The following PRKAA1 variants were observed in gnomAD, a reference collection of about 807,000 sequenced individuals.
PRKAA1 encodes the protein 5'-AMP-activated protein kinase catalytic subunit alpha-1.
Under a neutral mutation model 56.9 loss-of-function variants are expected in PRKAA1, and 23 were observed. The ratio of observed to expected loss-of-function variants is 0.40; its 90% CI spans 0.29 to 0.57. The LOEUF is 0.57. PRKAA1 is among the 20% of genes least tolerant of loss of function. The pLI is 0.39. For synonymous variants in PRKAA1, 226 were observed against 227.0 expected, an observed-to-expected ratio of 1.00 and a Z score of 0.04; for missense variants, 413 against 679.7, an observed-to-expected ratio of 0.61 and a Z score of 4.36.
chr5:40,797,582 G>C (rs1744982659), intron 1 of PRKAA1, among the ~76,000 whole-genome samples: 1 of 152,154 alleles, frequency 6.6e-6, no homozygotes, highest in African/African-American at 2.4e-5. Flanking sequence ...GAAACAGCAG[G>C]GGCCGGTAAA....
intron 1 of PRKAA1, among the ~76,000 whole-genome samples, chr5:40,787,480 A>G (rs1332325579): frequency 6.6e-6 from 1 of 151,796 alleles, no homozygotes; most frequent in Non-Finnish European, 1.5e-5. Flanking sequence ...TAATAATAAT[A>G]ATAATAATAA....
chr5:40,792,480 A>G (rs1024018476), intron 1 of PRKAA1, among the ~76,000 whole-genome samples: 1 of 152,222 alleles, frequency 6.6e-6, no homozygotes, highest in African/African-American at 2.4e-5. Flanking sequence ...ATTTTAATAA[A>G]TGCTGTCACT....
At chr5:40,794,058 C>A (rs544215454) in intron 1 of PRKAA1, among the ~76,000 whole-genome samples, 72 of 151,590 alleles carry the variant, frequency 4.7e-4, no homozygotes, top group Admixed American at 9.9e-4. Context: ...GCTGAGATTG[C>A]GCCAATGCAC....
At chr5:40,766,951 C>G (rs1349323892) in intron 6 of PRKAA1, among the ~76,000 whole-genome samples, 2 of 152,142 alleles carry the variant, frequency 1.3e-5, no homozygotes, top group Middle Eastern at 3.2e-3. Context: ...CCAGGAGTTA[C>G]TGGCTACAGT....
At position 40,777,354 on chromosome 5, in the gene PRKAA1, TGTCA is replaced by T. The variant is rs1480619621; in HGVS notation, c.269+87_269+90del. ...AAAACCCTTAGGAAACAAAAAGAAG[TGTCA>T]GTCATTTTTCTCACTTGTCACATTA... On this transcript the variant is annotated intron_variant, in intron 2 of 8. Coordinates refer to ENST00000397128, the MANE Select transcript of PRKAA1 (RefSeq NM_006251.6). 15 of 1,374,698 alleles carry T rather than the reference TGTCA, an allele frequency of 1.1e-5. No homozygotes were observed. The Admixed American group carries it at 1.5e-4, about 14-fold the overall frequency. The allele number at this position is 1,374,698 out of a possible 1,614,324, so 85.2% of individuals were successfully genotyped here. A position where few individuals can be genotyped will look rare whatever the true frequency, so the allele number is the denominator to read the frequency against.
At chr5:40,764,398 TA>T (rs1743325704) in intron 8 of PRKAA1, 115 bp downstream of exon 8, 1 of 987,994 alleles carries the variant, frequency 1.0e-6, no homozygotes, top group Admixed American at 3.0e-5. Flanking sequence ...TCACATTTTT[TA>T]TTCCTTTGCA....
intron 1 of PRKAA1, among the ~76,000 whole-genome samples, chr5:40,782,870 CATA>C (rs1168441137): frequency 1.3e-5 from 2 of 152,058 alleles, no homozygotes; most frequent in African/African-American, 2.4e-5. Context: ...CAAAAGAAGG[CATA>C]ATAAGCAGAA....
intron 1 of PRKAA1, among the ~76,000 whole-genome samples, chr5:40,796,815 G>A (rs12109150): frequency 0.01 from 1,592 of 152,268 alleles, 22 homozygotes; most frequent in African/African-American, 0.033. Context: ...TTGAGTTACC[G>A]TACAGACTTT....
At chr5:40,777,626 A>T (rs1243888525) in intron 1 of PRKAA1, 40 bp from the exon 2 acceptor site, 2 of 1,531,060 alleles carry the variant, frequency 1.3e-6, no homozygotes, top group Non-Finnish European at 1.8e-6. Flanking sequence ...ACTAAGTATG[A>T]TTAATAATAT....
intron 8 of PRKAA1, among the ~76,000 whole-genome samples, chr5:40,763,880 C>T (rs530099713): frequency 5.5e-4 from 83 of 152,180 alleles, no homozygotes; most frequent in Non-Finnish European, 8.5e-4. Context: ...AAAATTCAAA[C>T]GTGAACCTCA....
At chr5:40,774,616 G>T (rs1743909936) in intron 3 of PRKAA1, among the ~76,000 whole-genome samples, 1 of 141,196 alleles carries the variant, frequency 7.1e-6, no homozygotes, top group Non-Finnish European at 1.5e-5. Context: ...AAATAGAAAT[G>T]AATCATGTTA....
chr5:40,778,068 C>G (rs1318512411), intron 1 of PRKAA1, among the ~76,000 whole-genome samples: 4 of 151,754 alleles, frequency 2.6e-5, no homozygotes, highest in Non-Finnish European at 5.9e-5. Flanking sequence ...GAGCAAAACT[C>G]TGTCTCAAAC....
intron 4 of PRKAA1, among the ~76,000 whole-genome samples, 182 bp downstream of exon 4, chr5:40,771,537 G>A (rs1717486021): frequency 6.6e-6 from 1 of 152,152 alleles, no homozygotes; most frequent in South Asian, 2.1e-4. Flanking sequence ...TTAAAGCTAA[G>A]AAAAGATGAT....
At chr5:40,766,872 A>G (rs1308013243) in intron 6 of PRKAA1, among the ~76,000 whole-genome samples, 1 of 152,040 alleles carries the variant, frequency 6.6e-6, no homozygotes, top group Non-Finnish European at 1.5e-5. Flanking sequence ...AACAAAAAAC[A>G]GCCAGGCATG....
chr5:40,795,787 C>T (rs1579767802), intron 1 of PRKAA1, among the ~76,000 whole-genome samples: 1 of 152,208 alleles, frequency 6.6e-6, no homozygotes, highest in African/African-American at 2.4e-5. Context: ...TTAACCATAT[C>T]TATGAAACCT....
chr5:40,763,441 G>A (rs973078153), intron 8 of PRKAA1, among the ~76,000 whole-genome samples: 1 of 152,162 alleles, frequency 6.6e-6, no homozygotes, highest in African/African-American at 2.4e-5. Context: ...AACAAACCCA[G>A]AGAAATGACT....
chr5:40,792,432 T>C (rs189308503), intron 1 of PRKAA1, among the ~76,000 whole-genome samples: 3 of 152,202 alleles, frequency 2.0e-5, no homozygotes, highest in Non-Finnish European at 4.4e-5. Context: ...CACGAGTACA[T>C]CTATAAAATA....
At chr5:40,775,018 T>G (rs560338158) in intron 3 of PRKAA1, 16 of 1,310,170 alleles carry the variant, frequency 1.2e-5, no homozygotes, top group African/African-American at 1.2e-4. Context: ...TAGAATTGAC[T>G]AGCAAGGCCT....
At chr5:40,794,858 A>C (rs1426556253) in intron 1 of PRKAA1, among the ~76,000 whole-genome samples, 1 of 67,252 alleles carries the variant, frequency 1.5e-5, no homozygotes, top group East Asian at 3.0e-4. Context: ...TTGATCCAGC[A>C]ATCTCTTCTG....
Sources: allele counts gnomAD v4.1 joint callset (sites outside exome capture counted in the v4.1 genomes callset), GRCh38; gene constraint gnomAD v4.1.1; transcripts MANE v1.5; gene names NCBI Gene and HGNC (gene_info 2026-07-23, HGNC 2026-07-21).